The following CELF2 variants were observed in gnomAD, a reference collection of about 807,000 sequenced individuals.
CELF2 encodes CUG triplet repeat RNA-binding protein 2.
A neutral mutation model predicts 62.6 loss-of-function variants in CELF2; 8 were observed. That is an observed-to-expected ratio of 0.13 (90% CI 0.07 to 0.23). The LOEUF (loss-of-function observed/expected upper bound fraction) is 0.23, where lower values mean the gene tolerates loss of function less well. Among genes scored for constraint, CELF2 ranks in the 10% least tolerant of loss-of-function variants. The pLI, the probability that CELF2 is intolerant of heterozygous loss-of-function variation, is 1.00. For synonymous variants in CELF2, 258 were observed against 250.0 expected, an observed-to-expected ratio of 1.03 and a Z score of -0.30; for missense variants, 333 against 671.0, an observed-to-expected ratio of 0.50 and a Z score of 5.56.
intron 3 of CELF2, among the ~76,000 whole-genome samples, chr10:11,230,385 C>T (rs766856362): frequency 3.3e-5 from 5 of 152,114 alleles, no homozygotes; most frequent in East Asian, 1.9e-4. Flanking sequence ...CGGTCCTCTC[C>T]GATGCTCTTT....
intron 1 of CELF2, among the ~76,000 whole-genome samples, chr10:10,845,078 C>T (rs2058925255): frequency 6.6e-6 from 1 of 152,098 alleles, no homozygotes; most frequent in African/African-American, 2.4e-5. Context: ...AGCACTTTCA[C>T]AGCCTGTAAT....
At chr10:10,707,609 C>A in the CELF2 span, among the ~76,000 whole-genome samples, 1 of 152,140 alleles carries the variant, frequency 6.6e-6, no homozygotes, top group Non-Finnish European at 1.5e-5. Context: ...AAGGAACCTG[C>A]CACAAGGATC....
At chr10:10,982,582 G>C (rs2052271894) in intron 2 of CELF2, among the ~76,000 whole-genome samples, 1 of 152,178 alleles carries the variant, frequency 6.6e-6, no homozygotes, top group Non-Finnish European at 1.5e-5. Context: ...ATGAGGTCCA[G>C]GAAAGAGCTG....
At chr10:10,871,361 T>A (rs1202706149) in intron 1 of CELF2, among the ~76,000 whole-genome samples, 2 of 152,256 alleles carry the variant, frequency 1.3e-5, no homozygotes, top group Non-Finnish European at 2.9e-5. Flanking sequence ...CCACATCTAA[T>A]GTCATGGTTT....
intron 1 of CELF2, among the ~76,000 whole-genome samples, chr10:10,877,923 A>G (rs2133575604): frequency 6.6e-6 from 1 of 152,348 alleles, no homozygotes; most frequent in East Asian, 1.9e-4. Flanking sequence ...TCATTCATCC[A>G]GATAGGATCT....
At chr10:10,524,508 C>A in the CELF2 span, among the ~76,000 whole-genome samples, 5 of 151,362 alleles carry the variant, frequency 3.3e-5, no homozygotes, top group Middle Eastern at 3.4e-3. Context: ...ATGCTATTGC[C>A]ACATGAAAAC....
chr10:10,653,618 C>T, the CELF2 span, among the ~76,000 whole-genome samples: 1 of 135,864 alleles, frequency 7.4e-6, no homozygotes, highest in Non-Finnish European at 1.6e-5. Context: ...TGAATGACTA[C>T]TGGGTACATA....
chr10:11,210,525 A>T (rs2061545609), intron 2 of CELF2, among the ~76,000 whole-genome samples: 1 of 152,266 alleles, frequency 6.6e-6, no homozygotes, highest in African/African-American at 2.4e-5. Flanking sequence ...TGTATTCCAG[A>T]AAATGCTCCA....
In CELF2 at chr10:10,928,129, C is replaced by T. The variant is rs909412167; in HGVS notation, c.89+8130C>T. Among the ~76,000 whole-genome samples the T allele has an allele frequency of 2.0e-5, 3 of 152,164 alleles. No homozygotes were observed. The highest frequency in any genetic ancestry group is 6.5e-5 in the Admixed American group (1 of 15,282). On this transcript the variant is annotated intron_variant, in intron 2 of 13. Coordinates refer to the CELF2 transcript ENST00000636488. This position sits in a 1 kb window ranked among gnomAD's most constrained non-coding sequence, Gnocchi z 4.8. ...CCCCCCAACACACTTCCTATCACAT[C>T]GCCATATTTATTGTCATCTATTTTT... is the stretch of plus-strand genomic sequence containing the variant.
In CELF2 at chr10:11,224,625, A is replaced by C. The variant is rs895577829; in HGVS notation, c.354+7118A>C. On this transcript the variant is annotated intron_variant, in intron 3 of 12. Coordinates refer to ENST00000633077, the MANE Select transcript of CELF2 (RefSeq NM_001326342.2). The surrounding 1 kb of genome is among the most constrained non-coding windows in gnomAD (Gnocchi z 4.5). ...TGATGAAAGGAGAAGTTTGATATAC[A>C]CCTAGAAAATTGTCCAAATTCTGTC... Among the ~76,000 whole-genome samples, 1 of 152,188 alleles carries C rather than the reference A, an allele frequency of 6.6e-6. No individual in the cohort carries two copies. Among genetic ancestry groups the C allele is most frequent in the African/African-American group, 2.4e-5 (1 of 41,448 alleles).
At chr10:10,875,515 G>A (rs2061027055) in intron 1 of CELF2, among the ~76,000 whole-genome samples, 2 of 152,122 alleles carry the variant, frequency 1.3e-5, no homozygotes, top group African/African-American at 4.8e-5. Context: ...GGAAAGTGAT[G>A]CGAAGCCATT....
In CELF2 at chr10:11,117,314, CTTTCT is replaced by C. The variant is rs1696555116; in HGVS notation, c.75-48170_75-48166del. Among the ~76,000 whole-genome samples, 1 of 152,196 alleles carries C rather than the reference CTTTCT, an allele frequency of 6.6e-6. No individual in the cohort carries two copies. The highest frequency in any genetic ancestry group is 1.5e-5 in the Non-Finnish European group (1 of 68,034). On this transcript the variant is annotated intron_variant, in intron 1 of 12. Transcript: ENST00000633077. This position sits in a 1 kb window ranked among gnomAD's most constrained non-coding sequence, Gnocchi z 4.1. Reference sequence around the variant, plus strand: ...TTGGAATAGTCACCTTTCTGAGTTGCTTTCTTCATTCAACGGGTGTAACAATATAA... The same window carrying C: ...TTGGAATAGTCACCTTTCTGAGTTGCTCATTCAACGGGTGTAACAATATAA...
chr10:10,667,132 A>G, the CELF2 span, among the ~76,000 whole-genome samples: 1 of 152,214 alleles, frequency 6.6e-6, no homozygotes, highest in Non-Finnish European at 1.5e-5. Flanking sequence ...TTAAGATGTC[A>G]GGGCTGAAAG....
chr10:10,939,338 A>G (rs1360889868), intron 2 of CELF2, among the ~76,000 whole-genome samples: 3 of 151,958 alleles, frequency 2.0e-5, no homozygotes, highest in African/African-American at 7.3e-5. Context: ...CCAGGCTGGA[A>G]TGCAGTGGTG....
Position 11,039,515 on chromosome 10 carries a change from A to G in CELF2, c.74+21352A>G, listed in dbSNP as rs925346601. On this transcript the variant is annotated intron_variant, in intron 1 of 12. Coordinates refer to ENST00000633077, the MANE Select transcript of CELF2 (RefSeq NM_001326342.2). The surrounding 1 kb of genome is among the most constrained non-coding windows in gnomAD (Gnocchi z 4.1). ...GTACCTTAAAACGAGTTCAGAGTTA[A>G]TTATTTACTTCACAAGACACTGCTT... is the stretch of plus-strand genomic sequence containing the variant. Among the ~76,000 whole-genome samples the G allele has an allele frequency of 6.8e-6, 1 of 147,074 alleles. No homozygotes were observed. The highest frequency in any genetic ancestry group is 1.5e-5 in the Non-Finnish European group (1 of 67,984).
intron 1 of CELF2, among the ~76,000 whole-genome samples, chr10:11,099,769 G>C (rs952289718): frequency 1.3e-5 from 2 of 151,182 alleles, no homozygotes; most frequent in African/African-American, 2.4e-5. Context: ...AATCTTTCTC[G>C]TAAAGTGGTA....
At chr10:11,107,841 CCCT>C (rs200802926) in intron 1 of CELF2, among the ~76,000 whole-genome samples, 2,771 of 137,116 alleles carry the variant, frequency 0.02, 47 homozygotes, top group Middle Eastern at 0.05. Flanking sequence ...CTCCTCTGCC[CCCT>C]ATTTCTCCCC....
the CELF2 span, among the ~76,000 whole-genome samples, chr10:10,702,860 A>T: frequency 6.6e-6 from 1 of 152,256 alleles, no homozygotes; most frequent in African/African-American, 2.4e-5. Flanking sequence ...CTGGGATTAC[A>T]GGCATAAGCC....
At chr10:10,987,199 A>G (rs1431881066) in intron 2 of CELF2, among the ~76,000 whole-genome samples, 1 of 152,138 alleles carries the variant, frequency 6.6e-6, no homozygotes, top group Non-Finnish European at 1.5e-5. Flanking sequence ...AGGATTGATC[A>G]TTTTAGAATA....
Sources: gnomAD v4.1 joint callset for allele counts (sites outside exome capture counted in the v4.1 genomes callset) on GRCh38, gnomAD v4.1.1 for gene constraint, Gnocchi (gnomAD v3.1) non-coding constraint, MANE v1.5 for transcripts, NCBI Gene and HGNC (gene_info 2026-07-23, HGNC 2026-07-21) for gene names.